The following SGMS2 variants were observed in gnomAD, a reference collection of about 807,000 sequenced individuals.
The protein encoded by SGMS2 is phosphatidylcholine:ceramide cholinephosphotransferase 2.
SGMS2 carries 21 observed loss-of-function variants against 43.8 expected under a neutral mutation model. The observed-to-expected ratio is 0.48, with a 90% confidence interval of 0.34 to 0.69. The LOEUF is 0.69. Among genes scored for constraint, SGMS2 ranks in the 30% least tolerant of loss-of-function variants. The probability of loss-of-function intolerance (pLI) is 0.01; values close to 1 mark genes in which losing one functional copy is unlikely to be tolerated. For synonymous variants in SGMS2, 167 were observed against 160.6 expected, an observed-to-expected ratio of 1.04 and a Z score of -0.30; for missense variants, 384 against 443.2, an observed-to-expected ratio of 0.87 and a Z score of 1.20.
chr4:107,837,319 G>A (rs1726243344), intron 1 of SGMS2, among the ~76,000 whole-genome samples: 1 of 152,170 alleles, frequency 6.6e-6, no homozygotes, highest in South Asian at 2.1e-4. Context: ...GAAGTAGAGA[G>A]TGACTGGGGC....
chr4:107,892,981 A>G (rs1181968858), intron 2 of SGMS2: 1 of 152,154 alleles, frequency 6.6e-6, no homozygotes, highest in Non-Finnish European at 1.5e-5. Context: ...CACATGATGA[A>G]TGTGCTATGT....
chr4:107,873,277 G>T (rs1008025149), intron 2 of SGMS2: 3 of 149,152 alleles, frequency 2.0e-5, no homozygotes, highest in Non-Finnish European at 4.5e-5. Context: ...GTCAGAGAAG[G>T]TATAGGGGAA....
At chr4:107,885,782 G>A (rs1729701381) in intron 2 of SGMS2, among the ~76,000 whole-genome samples, 2 of 152,116 alleles carry the variant, frequency 1.3e-5, no homozygotes, top group Admixed American at 6.6e-5. Flanking sequence ...TAAAAACACA[G>A]TATCCTTATA....
intron 1 of SGMS2, among the ~76,000 whole-genome samples, chr4:107,829,463 T>C (rs1725768133): frequency 6.6e-6 from 1 of 152,204 alleles, no homozygotes; most frequent in Non-Finnish European, 1.5e-5. Flanking sequence ...ACTTTATTAA[T>C]TTCTAACAAT....
intron 5 of SGMS2, among the ~76,000 whole-genome samples, chr4:107,905,549 G>A (rs991127080): frequency 6.6e-5 from 10 of 152,104 alleles, no homozygotes; most frequent in Non-Finnish European, 7.4e-5. Context: ...ACCCTCTGAG[G>A]AATGCAGTAT....
At chr4:107,899,852 A>G (rs1730974943) in intron 4 of SGMS2, among the ~76,000 whole-genome samples, 160 bp downstream of exon 4, 1 of 152,158 alleles carries the variant, frequency 6.6e-6, no homozygotes, top group Non-Finnish European at 1.5e-5. Flanking sequence ...ATTAAAATGT[A>G]TTTATAAAAT....
chr4:107,910,777 G>T lies in SGMS2; in HGVS notation c.*224G>T. 1 of 508,676 alleles carries T rather than the reference G, an allele frequency of 2.0e-6. No homozygotes were observed. Among genetic ancestry groups the T allele is most frequent in the South Asian group, 2.8e-5 (1 of 36,010 alleles). 31.5% of individuals were successfully genotyped at this position (508,676 alleles called of 1,614,324 possible). On this transcript the variant is annotated 3_prime_UTR_variant, in exon 7 of 7. Transcript: ENST00000690982. ...GCAGCTCTTCATTCATTGGTGACAA[G>T]CCCCCACCCCGGGACTTTACTAATG... is the stretch of plus-strand genomic sequence containing the variant.
chr4:107,880,768 C>G (rs1489482916), intron 2 of SGMS2, among the ~76,000 whole-genome samples: 1 of 150,700 alleles, frequency 6.6e-6, no homozygotes, highest in African/African-American at 2.4e-5. Context: ...GCATGAAGAT[C>G]GCTTGAACCT....
At chr4:107,859,970 C>G (rs1378095441) in intron 2 of SGMS2, among the ~76,000 whole-genome samples, 1 of 148,998 alleles carries the variant, frequency 6.7e-6, no homozygotes, top group Non-Finnish European at 1.5e-5. Flanking sequence ...TTTTTTTTTT[C>G]CTTTGCAATG....
intron 5 of SGMS2, among the ~76,000 whole-genome samples, chr4:107,905,460 T>G (rs1332545437): frequency 1.3e-5 from 2 of 152,160 alleles, no homozygotes; most frequent in African/African-American, 4.8e-5. Context: ...TAAACAATAA[T>G]AGCAAATAGA....
chr4:107,905,235 A>C (rs1436009879), intron 5 of SGMS2, among the ~76,000 whole-genome samples: 1 of 152,192 alleles, frequency 6.6e-6, no homozygotes, highest in African/African-American at 2.4e-5. Context: ...CATGTTTTAC[A>C]TGGCAGCAGA....
At chr4:107,862,987 T>C (rs1382670560) in intron 2 of SGMS2, among the ~76,000 whole-genome samples, 2 of 152,194 alleles carry the variant, frequency 1.3e-5, no homozygotes, top group African/African-American at 4.8e-5. Context: ...TTATGTGTTA[T>C]AAGGTGGGGC....
chr4:107,908,682 A>G lies in SGMS2; in HGVS notation c.845A>G (p.Tyr282Cys). 6.2e-7 allele frequency: 1 copy of G among 1,613,980 alleles called. No individual in the cohort carries two copies. The highest frequency in any genetic ancestry group is 8.5e-7 in the Non-Finnish European group (1 of 1,179,916). ...ACTATCGATGTGATCATTGCTTATT[A>G]TATCACAACACGACTGTTTTGGTGG... is the stretch of plus-strand genomic sequence containing the variant. The part of the protein sequence containing the change: ...HYTIDVIIAY[Y>C]ITTRLFWWYH... Residue 282 changes from tyrosine to cysteine, a missense_variant, in exon 6 of 7, where the codon TAT becomes TGT. Coordinates refer to ENST00000690982, the MANE Select transcript of SGMS2 (RefSeq NM_001375905.1).
intron 1 of SGMS2, among the ~76,000 whole-genome samples, chr4:107,835,421 G>A (rs986009986): frequency 1.3e-5 from 2 of 152,094 alleles, no homozygotes; most frequent in Non-Finnish European, 2.9e-5. Flanking sequence ...CATATAAGCT[G>A]GATTGAATTC....
intron 2 of SGMS2, among the ~76,000 whole-genome samples, chr4:107,892,847 C>T (rs1323831893): frequency 6.6e-6 from 1 of 152,016 alleles, no homozygotes; most frequent in Non-Finnish European, 1.5e-5. Context: ...TAAGCAGTTC[C>T]CAGCTTGACT....
intron 1 of SGMS2, among the ~76,000 whole-genome samples, chr4:107,857,357 T>G (rs1004817953): frequency 1.3e-5 from 2 of 151,904 alleles, no homozygotes; most frequent in African/African-American, 4.8e-5. Flanking sequence ...GGTGTTTTCA[T>G]TTTTTTGGGG....
Position 107,825,165 on chromosome 4 carries a change from TGCGGCA to T in SGMS2, c.-410_-405del, listed in dbSNP as rs1255735618. On this transcript the variant is annotated 5_prime_UTR_variant, in exon 1 of 7. Coordinates refer to ENST00000690982, the MANE Select transcript of SGMS2 (RefSeq NM_001375905.1). ...GACGCCCGGGGCTGGTCGCGGCGGC[TGCGGCA>T]GCGGGCTCCATCCCCTGGCAAATCC... 4.6e-5 allele frequency: 7 copies of T among 152,654 alleles called. No homozygotes were observed. The highest frequency in any genetic ancestry group is 1.7e-4 in the African/African-American group (7 of 41,538). 9.5% of individuals were successfully genotyped at this position (152,654 alleles called of 1,614,324 possible). A position where few individuals can be genotyped will look rare whatever the true frequency, so the allele number is the denominator to read the frequency against.
chr4:107,862,888 T>C lies in SGMS2; in HGVS notation c.-245+4335T>C, dbSNP rs145485246. Reference sequence around the variant, plus strand: ...CTGAATGAAATGTCTAACCATGATGTTTCCAGGAAATGCCGCCTCTACAAG... The same window carrying C: ...CTGAATGAAATGTCTAACCATGATGCTTCCAGGAAATGCCGCCTCTACAAG... On this transcript the variant is annotated intron_variant, in intron 2 of 6. Transcript: ENST00000690982. Among the ~76,000 whole-genome samples the C allele has an allele frequency of 4.1e-4, 62 of 152,298 alleles. No homozygotes were observed. In the East Asian group the frequency reaches 0.011, roughly 28 times the overall value.
chr4:107,906,211 C>G (rs1731556270), intron 5 of SGMS2, among the ~76,000 whole-genome samples: 1 of 152,034 alleles, frequency 6.6e-6, no homozygotes, highest in African/African-American at 2.4e-5. Context: ...TTTTTACTTT[C>G]CCGCCTTTTG....
Sources: gnomAD v4.1 joint callset for allele counts (sites outside exome capture counted in the v4.1 genomes callset) on GRCh38, gnomAD v4.1.1 for gene constraint, MANE v1.5 for transcripts, NCBI Gene and HGNC (gene_info 2026-07-23, HGNC 2026-07-21) for gene names.